Variants in HIVEP1 observed in about 807,000 individuals in gnomAD.
The protein encoded by HIVEP1 is zinc finger protein 40.
In HIVEP1, 36 loss-of-function variants were observed where a neutral mutation model predicts 180.0. The observed-to-expected ratio is 0.20, with a 90% CI of 0.15 to 0.26. The LOEUF is 0.26. HIVEP1 is among the 10% of genes least tolerant of loss of function. The pLI is 1.00. For synonymous variants in HIVEP1, 1,239 were observed against 1,239.0 expected (o/e 1.00, Z 0.00); for missense variants, 3,143 against 3,268.7 (o/e 0.96, Z 0.94).
rs1016584745 is a variant in HIVEP1 at position 12,063,319 on chromosome 6, A to G, written c.41-25865A>G. ...TTGACAGACTCCCTGGCCTGTACCC[A>G]CTAGATGCCAATTGCAGTCTTCCTC... On this transcript the variant is annotated intron_variant, in intron 2 of 8. Transcript: ENST00000379388. This position sits in a 1 kb window ranked among gnomAD's most constrained non-coding sequence, Gnocchi z 4.2. Among the ~76,000 whole-genome samples, 1 of 152,124 alleles carries G rather than the reference A, an allele frequency of 6.6e-6. No individual in the cohort carries two copies. Among genetic ancestry groups the G allele is most frequent in the Non-Finnish European group, 1.5e-5 (1 of 68,032 alleles).
chr6:12,116,087 G>C lies in HIVEP1; in HGVS notation c.95-3803G>C, dbSNP rs1332699098. On this transcript the variant is annotated intron_variant, in intron 3 of 8. Coordinates refer to ENST00000379388, the MANE Select transcript of HIVEP1 (RefSeq NM_002114.4). ...TTTTATTTCTGCTTTGAAGCACTAT[G>C]GTCTATGCATCCTCTTGACTATGTT... Among the ~76,000 whole-genome samples the C allele has an allele frequency of 4.6e-5, 7 of 152,010 alleles. No homozygotes were observed. In the East Asian group the frequency reaches 1.4e-3, roughly 29 times the overall value.
chr6:12,202,599 G>A, the HIVEP1 span, among the ~76,000 whole-genome samples: 2 of 152,086 alleles, frequency 1.3e-5, no homozygotes, highest in Admixed American at 6.5e-5. Flanking sequence ...TTCTCTTCCT[G>A]TTCCTTTTCT....
intron 2 of HIVEP1, chr6:12,037,782 C>T: frequency 2.2e-6 from 1 of 456,662 alleles, no homozygotes; most frequent in South Asian, 4.6e-5. Flanking sequence ...CTCACTGCAA[C>T]CCCAAACTTC....
At chr6:12,013,089 C>G (rs571644450) in intron 1 of HIVEP1, among the ~76,000 whole-genome samples, 1,687 of 152,018 alleles carry the variant, frequency 0.011, 12 homozygotes, top group Non-Finnish European at 0.02. Flanking sequence ...GGGGAGGGGG[C>G]GGCGGCGGAG....
In HIVEP1 at chr6:12,123,381, C is replaced by T. The variant is rs757637474; in HGVS notation, c.3586C>T (p.Leu1196Phe). 6.8e-6 allele frequency: 11 copies of T among 1,614,168 alleles called. No homozygotes were observed. The highest frequency in any genetic ancestry group is 9.3e-6 in the Non-Finnish European group (11 of 1,180,014). ...TCGGGACGGGTCTCATCCTCACCAG[C>T]TTGCACTATCAGACGCTCTCAGAGG... is the stretch of plus-strand genomic sequence containing the variant. ...PSRDGSHPHQ[L>F]ALSDALRGEL... Residue 1196 changes from leucine (L) to phenylalanine (F), a missense_variant, in exon 4 of 9, where the codon CTT (leucine) becomes TTT (phenylalanine). Physicochemically the swap from Leu to Phe is conservative, Grantham distance 22. Transcript: ENST00000379388.
intron 3 of HIVEP1, among the ~76,000 whole-genome samples, chr6:12,106,363 C>T (rs957281897): frequency 6.6e-6 from 1 of 151,284 alleles, no homozygotes; most frequent in Non-Finnish European, 1.5e-5. Flanking sequence ...TATTTTTTTT[C>T]CGGGGGATGG....
chr6:12,172,406 G>A, the HIVEP1 span, among the ~76,000 whole-genome samples: 2 of 151,902 alleles, frequency 1.3e-5, no homozygotes, highest in Non-Finnish European at 2.9e-5. Context: ...TAAGTTTTAA[G>A]TTTTATTTCC....
chr6:12,029,365 G>A (rs750473803), intron 2 of HIVEP1, among the ~76,000 whole-genome samples: 1 of 152,164 alleles, frequency 6.6e-6, no homozygotes. Context: ...GCGTGTTGCC[G>A]CGATTGCTTT....
chr6:12,072,118 G>A (rs1772013866), intron 2 of HIVEP1, among the ~76,000 whole-genome samples: 1 of 151,290 alleles, frequency 6.6e-6, no homozygotes, highest in South Asian at 2.1e-4. Context: ...ATAATGCATG[G>A]GCACTACAGA....
the HIVEP1 span, among the ~76,000 whole-genome samples, chr6:12,199,225 G>A: frequency 1.3e-5 from 2 of 152,118 alleles, no homozygotes; most frequent in Non-Finnish European, 2.9e-5. Flanking sequence ...CAACAGAATG[G>A]CATTGGAACC....
chr6:12,056,367 G>A (rs922306589), intron 2 of HIVEP1, among the ~76,000 whole-genome samples: 3 of 152,204 alleles, frequency 2.0e-5, no homozygotes, highest in African/African-American at 7.2e-5. Context: ...ATAATAATCT[G>A]TGTTTCCTTC....
intron 4 of HIVEP1, among the ~76,000 whole-genome samples, chr6:12,127,020 G>A (rs1758114858): frequency 6.6e-6 from 1 of 151,990 alleles, no homozygotes; most frequent in Non-Finnish European, 1.5e-5. Flanking sequence ...ACCACGCCTG[G>A]CTTTTTGTAT....
the HIVEP1 span, among the ~76,000 whole-genome samples, chr6:12,182,938 G>A: frequency 2.6e-5 from 4 of 152,138 alleles, no homozygotes; most frequent in African/African-American, 9.7e-5. Flanking sequence ...GGTGACTCAA[G>A]AAAGGATGCA....
chr6:12,192,553 C>G, the HIVEP1 span, among the ~76,000 whole-genome samples: 1 of 152,130 alleles, frequency 6.6e-6, no homozygotes, highest in South Asian at 2.1e-4. Flanking sequence ...TTCCCCCTTG[C>G]TGTTGTCGTG....
chr6:12,211,677 AAAG>A, the HIVEP1 span, among the ~76,000 whole-genome samples: 3 of 152,102 alleles, frequency 2.0e-5, no homozygotes, highest in Non-Finnish European at 4.4e-5. Context: ...AGGAAAGAGC[AAAG>A]AAGAAACTAA....
chr6:12,195,229 C>T, the HIVEP1 span, among the ~76,000 whole-genome samples: 1 of 152,176 alleles, frequency 6.6e-6, no homozygotes, highest in African/African-American at 2.4e-5. Flanking sequence ...AGACGAGTTC[C>T]CTGAGAGCAT....
intron 2 of HIVEP1, among the ~76,000 whole-genome samples, chr6:12,046,554 G>A (rs1770129022): frequency 1.3e-5 from 2 of 152,254 alleles, no homozygotes; most frequent in Non-Finnish European, 2.9e-5. Context: ...GCTGAGGTGG[G>A]TGGATCACGA....
At position 12,120,583 on chromosome 6, in the gene HIVEP1, C is replaced by T. The variant is rs1006876581; in HGVS notation, c.788C>T (p.Thr263Ile). 13 of 1,614,066 alleles carry T rather than the reference C, an allele frequency of 8.1e-6. No homozygotes were observed. The highest frequency in any genetic ancestry group is 1.1e-5 in the Non-Finnish European group (13 of 1,180,000). Reference sequence around the variant, plus strand: ...TCACAGTCTTCTTGTACCTCATACACAGTCCATATGTCTGCTGCTCAGAAG... The same window carrying T: ...TCACAGTCTTCTTGTACCTCATACATAGTCCATATGTCTGCTGCTCAGAAG... ...AESQSSCTSYTVHMSAAQKNE... is the reference protein window; with the variant it reads ...AESQSSCTSYIVHMSAAQKNE... Residue 263 changes from threonine (T) to isoleucine (I), a missense_variant, in exon 4 of 9, where the codon ACA becomes ATA. Transcript: ENST00000379388.
Position 12,124,531 on chromosome 6 carries a change from A to G in HIVEP1, c.4736A>G (p.His1579Arg), listed in dbSNP as rs771518200. Reference protein sequence around the residue: ...SGPSCSSNPVHSLPNQVISDP... With the variant: ...SGPSCSSNPVRSLPNQVISDP... ...CCATCTTGCTCTTCTAATCCTGTGC[A>G]TTCTTTGCCAAATCAAGTTATTTCA... The change falls in exon 4 of 9, where the codon CAT (histidine) becomes CGT (arginine). Residue 1579 changes from histidine to arginine, a missense_variant. By Grantham distance (29) the His-to-Arg change is conservative. This residue lies in a region of HIVEP1 where 1,357 missense variants were observed against 1,260.5 expected (regional missense o/e 1.08). Transcript: ENST00000379388. 27 of 1,614,038 alleles carry G rather than the reference A, an allele frequency of 1.7e-5. No individual in the cohort carries two copies. In the Admixed American group the frequency reaches 4.2e-4, roughly 25 times the overall value.
Sources: allele counts gnomAD v4.1 joint callset (sites outside exome capture counted in the v4.1 genomes callset), GRCh38; gene constraint gnomAD v4.1.1; regional missense constraint gnomAD v4.1.1; non-coding constraint Gnocchi (gnomAD v3.1); transcripts MANE v1.5; gene names NCBI Gene and HGNC (gene_info 2026-07-23, HGNC 2026-07-21).